Variants in THSD7A observed in about 807,000 individuals in gnomAD.
THSD7A encodes thrombospondin type-1 domain-containing protein 7A.
A neutral mutation model predicts 231.3 loss-of-function variants in THSD7A; 96 were observed. That is an observed-to-expected ratio of 0.41 (90% CI 0.35 to 0.49). The LOEUF is 0.49. Among genes scored for constraint, THSD7A ranks in the 20% least tolerant of loss-of-function variants. THSD7A has a pLI of 0.05. For missense variants in THSD7A, 2,290 were observed against 2,070.2 expected, an observed-to-expected ratio of 1.11 and a Z score of -2.06; for synonymous variants, 940 against 743.3, an observed-to-expected ratio of 1.26 and a Z score of -4.30.
chr7:11,454,721 C>G (rs1263858128), intron 11 of THSD7A, among the ~76,000 whole-genome samples: 2 of 151,810 alleles, frequency 1.3e-5, no homozygotes, highest in Non-Finnish European at 2.9e-5. Flanking sequence ...TCTCAAGAGG[C>G]TGGGCCTAGT....
At chr7:11,423,706 A>G in intron 16 of THSD7A, among the ~76,000 whole-genome samples, 1 of 152,236 alleles carries the variant, frequency 6.6e-6, no homozygotes, top group African/African-American at 2.4e-5. Context: ...GTATTTAAAA[A>G]GAGTGATGGG....
rs1250483050 is a variant in THSD7A, at chr7:11,406,367, G to A, written c.4170C>T (p.Asp1390=). 6.2e-7 allele frequency: 1 copy of A among 1,613,950 alleles called. No homozygotes were observed. Among genetic ancestry groups the A allele is most frequent in the South Asian group, 1.1e-5 (1 of 91,082 alleles). The part of the protein sequence containing the change: ...SKVVDEEFCA[D]IELIIDGNKN... ...TATTACCATCTATAATGAGTTCAAT[G>A]TCAGCACAGAATTCCTCATCCACCA... is the stretch of plus-strand genomic sequence containing the variant. The change falls in exon 22 of 28, where the codon GAC becomes GAT. Residue 1390 remains aspartate (D), a synonymous_variant. Coordinates refer to ENST00000423059, the MANE Select transcript of THSD7A (RefSeq NM_015204.3). The surrounding 1 kb of genome is among the most constrained non-coding windows in gnomAD (Gnocchi z 4.7).
intron 2 of THSD7A, among the ~76,000 whole-genome samples, chr7:11,619,864 GAAT>G (rs1281094269): frequency 6.6e-6 from 1 of 151,976 alleles, no homozygotes; most frequent in Non-Finnish European, 1.5e-5. Context: ...TGCCTCTCTA[GAAT>G]AATATGTCAA....
At position 11,412,677 on chromosome 7, in the gene THSD7A, G is replaced by C. The variant is rs765323010; in HGVS notation, c.3661C>G (p.His1221Asp). 4.3e-6 allele frequency: 7 copies of C among 1,613,688 alleles called. No individual in the cohort carries two copies. The highest frequency in any genetic ancestry group is 5.9e-6 in the Non-Finnish European group (7 of 1,179,810). The change falls in exon 18 of 28, where the codon CAC (histidine) becomes GAC (aspartate). Residue 1221 changes from histidine (H) to aspartate (D), a missense_variant. By Grantham distance (81) the His-to-Asp change is moderately conservative. Coordinates refer to ENST00000423059, the MANE Select transcript of THSD7A (RefSeq NM_015204.3). Reference sequence around the variant, plus strand: ...GTACCTGTTACATTATAATCATAGTGGTAGCAGTTTTTGTTCAGGTTACAG... The same window carrying C: ...GTACCTGTTACATTATAATCATAGTCGTAGCAGTTTTTGTTCAGGTTACAG... ...EPCNLNKNCY[H>D]YDYNVTDWST...
In THSD7A at chr7:11,638,862, A is replaced by G. The variant is rs367815872; in HGVS notation, c.191-1901T>C. ...TTTTAACTTGCCAAAGAAAAAATAT[A>G]TATTCACAAATCTGGTGATACTTTC... is the stretch of plus-strand genomic sequence containing the variant. On this transcript the variant is annotated intron_variant, in intron 1 of 27. Coordinates refer to ENST00000423059, the MANE Select transcript of THSD7A (RefSeq NM_015204.3). Among the ~76,000 whole-genome samples, 9 of 152,288 alleles carry G rather than the reference A, an allele frequency of 5.9e-5. No individual in the cohort carries two copies. In the East Asian group the frequency reaches 1.7e-3, roughly 29 times the overall value.
chr7:11,682,833 C>T (rs992186645), intron 1 of THSD7A, among the ~76,000 whole-genome samples: 1 of 151,822 alleles, frequency 6.6e-6, no homozygotes. Context: ...AGAACATATT[C>T]TATGATTGAT....
intron 1 of THSD7A, among the ~76,000 whole-genome samples, chr7:11,806,846 C>A (rs897704647): frequency 1.1e-4 from 17 of 152,156 alleles, no homozygotes; most frequent in Non-Finnish European, 1.9e-4. Context: ...TAAAGTGTGC[C>A]TTTTAGGCCT....
At chr7:11,475,712 A>C (rs544346954) in intron 7 of THSD7A, among the ~76,000 whole-genome samples, 13 of 150,414 alleles carry the variant, frequency 8.6e-5, no homozygotes, top group African/African-American at 2.4e-4. Flanking sequence ...TATAATTAAA[A>C]TCATTTAGCT....
intron 11 of THSD7A, among the ~76,000 whole-genome samples, chr7:11,455,854 C>T (rs1056766214): frequency 2.0e-5 from 3 of 151,998 alleles, no homozygotes; most frequent in Non-Finnish European, 4.4e-5. Context: ...TCTGGGAACA[C>T]AATTGCTTCC....
rs150298402 is a variant in THSD7A at position 11,710,389 on chromosome 7, C to T, written c.191-73428G>A. ...GCAACCTGAGTTAGATTCCCAATAA[C>T]TCTGATTTTGTTCAATCCACTCATC... On this transcript the variant is annotated intron_variant, in intron 1 of 27. Transcript: ENST00000423059. Among the ~76,000 whole-genome samples the T allele has an allele frequency of 6.0e-3, 905 of 151,040 alleles. 6 individuals are homozygous for T. Among genetic ancestry groups the T allele is most frequent in the Middle Eastern group, 0.02 (6 of 294 alleles).
chr7:11,511,371 T>C (rs1200746866), intron 6 of THSD7A, among the ~76,000 whole-genome samples: 4 of 152,190 alleles, frequency 2.6e-5, no homozygotes, highest in African/African-American at 9.7e-5. Flanking sequence ...AAGTAATTTA[T>C]AGATTCAATG....
At chr7:11,577,765 C>T (rs943176410) in intron 4 of THSD7A, among the ~76,000 whole-genome samples, 1 of 151,876 alleles carries the variant, frequency 6.6e-6, no homozygotes, top group African/African-American at 2.4e-5. Flanking sequence ...AACAGCGTGG[C>T]ATTCCAAGTT....
chr7:11,503,235 G>A (rs555257340), intron 6 of THSD7A, among the ~76,000 whole-genome samples: 66 of 152,286 alleles, frequency 4.3e-4, no homozygotes, highest in African/African-American at 1.6e-3. Context: ...TCAATAAATG[G>A]TGCTGCAATA....
intron 1 of THSD7A, among the ~76,000 whole-genome samples, chr7:11,753,918 G>T (rs1035192890): frequency 6.6e-6 from 1 of 151,762 alleles, no homozygotes; most frequent in Non-Finnish European, 1.5e-5. Context: ...CAAAACAGAG[G>T]CATAGAAACT....
intron 4 of THSD7A, among the ~76,000 whole-genome samples, chr7:11,550,533 G>C (rs117972605): frequency 2.0e-5 from 3 of 152,034 alleles, no homozygotes; most frequent in Non-Finnish European, 4.4e-5. Flanking sequence ...TGGTGGTTTC[G>C]AAGTGACACT....
In THSD7A at chr7:11,513,629, G is replaced by A. The variant is rs1337517594; in HGVS notation, c.1822+27790C>T. On this transcript the variant is annotated intron_variant, in intron 6 of 27. Transcript: ENST00000423059. ...AAAAATAGGAAACAGAGCAGTGGTT[G>A]CCATGGGATGAGAGGACAGGGAAAT... 3.3e-5 allele frequency among the ~76,000 whole-genome samples: 5 copies of A among 152,286 alleles called. No individual in the cohort carries two copies. In the South Asian group the frequency reaches 1.0e-3, roughly 32 times the overall value.
chr7:11,671,879 G>A (rs899519666), intron 1 of THSD7A, among the ~76,000 whole-genome samples: 3 of 152,042 alleles, frequency 2.0e-5, no homozygotes, highest in Non-Finnish European at 4.4e-5. Flanking sequence ...GGGAATAGGT[G>A]AGTTTATAAT....
chr7:11,625,374 C>A (rs1781442961), intron 2 of THSD7A, among the ~76,000 whole-genome samples: 1 of 152,022 alleles, frequency 6.6e-6, no homozygotes, highest in South Asian at 2.1e-4. Flanking sequence ...TTGTATTAAG[C>A]ACAGCAGTAT....
At chr7:11,798,971 G>A (rs1363022769) in intron 1 of THSD7A, among the ~76,000 whole-genome samples, 3 of 151,578 alleles carry the variant, frequency 2.0e-5, no homozygotes, top group Non-Finnish European at 4.4e-5. Context: ...TCACCAGGCT[G>A]GAGTTCAGTG....
Sources: allele counts gnomAD v4.1 joint callset (sites outside exome capture counted in the v4.1 genomes callset), GRCh38; gene constraint gnomAD v4.1.1; non-coding constraint Gnocchi (gnomAD v3.1); transcripts MANE v1.5; gene names NCBI Gene and HGNC (gene_info 2026-07-23, HGNC 2026-07-21).